SH3RF3: variants seen among roughly 807,000 people sequenced by gnomAD.
The protein encoded by SH3RF3 is E3 ubiquitin-protein ligase SH3RF3.
SH3RF3 carries 29 observed loss-of-function variants against 66.3 expected under a neutral mutation model. The observed-to-expected ratio is 0.44, with a 90% CI of 0.33 to 0.60. The LOEUF is 0.60. Among genes scored for constraint, SH3RF3 ranks in the 20% least tolerant of loss-of-function variants. The pLI, the probability that SH3RF3 is intolerant of heterozygous loss-of-function variation, is 0.04. For missense variants in SH3RF3, 1,194 were observed against 1,190.9 expected (o/e 1.00, Z -0.04); for synonymous variants, 583 against 532.0 (o/e 1.10, Z -1.32).
chr2:109,469,311 GTA>G (rs1036594466), intron 8 of SH3RF3, among the ~76,000 whole-genome samples: 40 of 152,366 alleles, frequency 2.6e-4, no homozygotes, highest in African/African-American at 9.6e-4. Context: ...CCTCCACTCT[GTA>G]TCCTGGGGTG....
chr2:109,180,088 G>C (rs1490462064), intron 1 of SH3RF3, among the ~76,000 whole-genome samples: 1 of 151,894 alleles, frequency 6.6e-6, no homozygotes, highest in East Asian at 1.9e-4. Flanking sequence ...GAACAAATGG[G>C]CCTCCATGGG....
chr2:109,242,892 C>G (rs1018543576), intron 1 of SH3RF3, among the ~76,000 whole-genome samples: 18 of 152,172 alleles, frequency 1.2e-4, no homozygotes, highest in Admixed American at 3.3e-4. Context: ...AACAGGCATC[C>G]AAAAACCTCA....
At chr2:109,173,498 T>A (rs1017021976) in intron 1 of SH3RF3, among the ~76,000 whole-genome samples, 1 of 152,134 alleles carries the variant, frequency 6.6e-6, no homozygotes, top group Non-Finnish European at 1.5e-5. Context: ...AAGGCTGGGG[T>A]TGGCACACTG....
intron 3 of SH3RF3, among the ~76,000 whole-genome samples, chr2:109,374,142 C>T (rs1473514106): frequency 2.6e-5 from 4 of 152,192 alleles, no homozygotes; most frequent in African/African-American, 7.2e-5. Flanking sequence ...TGCCTCCACT[C>T]TTGGGCACAG....
intron 1 of SH3RF3, among the ~76,000 whole-genome samples, chr2:109,288,286 A>C (rs1681085297): frequency 6.6e-6 from 1 of 152,246 alleles, no homozygotes; most frequent in Non-Finnish European, 1.5e-5. Flanking sequence ...TTGCTTTTGC[A>C]TAACTCCTTT....
chr2:109,247,519 G>A (rs1259015803), intron 1 of SH3RF3, among the ~76,000 whole-genome samples: 2 of 152,184 alleles, frequency 1.3e-5, no homozygotes, highest in African/African-American at 4.8e-5. Flanking sequence ...GCAGGCATGG[G>A]TGGTCACGTG....
chr2:109,153,757 T>C (rs1233038562), intron 1 of SH3RF3, among the ~76,000 whole-genome samples: 1 of 152,246 alleles, frequency 6.6e-6, no homozygotes, highest in Non-Finnish European at 1.5e-5. Context: ...TGGTGCATTT[T>C]GGCTAAAGCC....
chr2:109,352,583 A>G (rs768353713), intron 2 of SH3RF3, among the ~76,000 whole-genome samples: 1 of 152,210 alleles, frequency 6.6e-6, no homozygotes, highest in Non-Finnish European at 1.5e-5. Flanking sequence ...ATCATGAGAT[A>G]AGCTTGTGCG....
intron 1 of SH3RF3, among the ~76,000 whole-genome samples, chr2:109,180,182 C>G (rs771782160): frequency 2.0e-5 from 3 of 151,844 alleles, no homozygotes; most frequent in Non-Finnish European, 2.9e-5. Flanking sequence ...CTACTTCCCT[C>G]TCTACCTGTG....
intron 1 of SH3RF3, among the ~76,000 whole-genome samples, chr2:109,188,410 G>T (rs937094107): frequency 1.3e-5 from 2 of 152,322 alleles, no homozygotes; most frequent in African/African-American, 4.8e-5. Context: ...GCGGGGTCTG[G>T]GACCCCATGG....
intron 4 of SH3RF3, 95 bp from the exon 5 acceptor site, chr2:109,419,444 A>G: frequency 7.7e-7 from 1 of 1,302,316 alleles, no homozygotes; most frequent in South Asian, 1.4e-5. Flanking sequence ...CTGGCGAAGC[A>G]CAGGCACCTG....
chr2:109,472,366 G>A (rs918198056), intron 8 of SH3RF3, among the ~76,000 whole-genome samples: 2 of 151,956 alleles, frequency 1.3e-5, no homozygotes, highest in Admixed American at 6.5e-5. Flanking sequence ...GTGCATGCAG[G>A]GTGTCCTGGA....
chr2:109,430,128 G>A (rs1043273551), intron 5 of SH3RF3, among the ~76,000 whole-genome samples: 1 of 152,202 alleles, frequency 6.6e-6, no homozygotes, highest in Non-Finnish European at 1.5e-5. Flanking sequence ...CAGAGGAAAG[G>A]CAGCCCCGGA....
rs566932582 is a variant in SH3RF3 at position 109,415,582 on chromosome 2, C to G, written c.1300-3957C>G. Among the ~76,000 whole-genome samples, 9 of 152,304 alleles carry G rather than the reference C, an allele frequency of 5.9e-5. No individual in the cohort carries two copies. In the South Asian group the frequency reaches 1.9e-3, roughly 32 times the overall value. ...CTCCCTCGCACTTCCTGATGGGTTC[C>G]CTGCAAAGCTGCAGGTCCTGGCTGT... On this transcript the variant is annotated intron_variant, in intron 4 of 9. Transcript: ENST00000309415.
chr2:109,203,728 G>A (rs1394065097), intron 1 of SH3RF3, among the ~76,000 whole-genome samples: 1 of 152,138 alleles, frequency 6.6e-6, no homozygotes, highest in East Asian at 1.9e-4. Flanking sequence ...TCTCTCCATG[G>A]GTATGCTCTG....
At chr2:109,431,107 G>T (rs1677199404) in intron 5 of SH3RF3, among the ~76,000 whole-genome samples, 1 of 152,198 alleles carries the variant, frequency 6.6e-6, no homozygotes, top group African/African-American at 2.4e-5. Context: ...GCCCTCGTGA[G>T]CTGCATTCTG....
chr2:109,459,169 G>A (rs1169920454), intron 8 of SH3RF3, among the ~76,000 whole-genome samples: 5 of 152,190 alleles, frequency 3.3e-5, no homozygotes, highest in African/African-American at 1.2e-4. Flanking sequence ...ATCATATAAA[G>A]TCAGTGCAAC....
At chr2:109,492,283 C>T (rs565542820) in intron 9 of SH3RF3, among the ~76,000 whole-genome samples, 22 of 152,290 alleles carry the variant, frequency 1.4e-4, no homozygotes, top group Non-Finnish European at 2.5e-4. Flanking sequence ...ACAAATTAGC[C>T]GCAGGCGCAG....
intron 1 of SH3RF3, among the ~76,000 whole-genome samples, chr2:109,317,272 C>T (rs999260356): frequency 5.9e-5 from 9 of 152,144 alleles, no homozygotes; most frequent in African/African-American, 1.9e-4. Context: ...GCACAGATAG[C>T]GTCAAGTCTT....
Sources: allele counts gnomAD v4.1 joint callset (sites outside exome capture counted in the v4.1 genomes callset), GRCh38; gene constraint gnomAD v4.1.1; transcripts MANE v1.5; gene names NCBI Gene and HGNC (gene_info 2026-07-23, HGNC 2026-07-21).